The following SORCS1 variants were observed in gnomAD, a reference collection of about 807,000 sequenced individuals.
SORCS1 encodes the protein sortilin related VPS10 domain containing receptor 1.
SORCS1 carries 60 observed loss-of-function variants against 146.1 expected under a neutral mutation model. The ratio of observed to expected loss-of-function variants is 0.41; its 90% CI spans 0.33 to 0.51. The LOEUF (loss-of-function observed/expected upper bound fraction) is 0.51, where lower values mean the gene tolerates loss of function less well. Ranked by LOEUF, SORCS1 falls within the 20% of genes least tolerant of loss-of-function variation. The probability of loss-of-function intolerance (pLI) is 0.21; values close to 1 mark genes in which losing one functional copy is unlikely to be tolerated. For missense variants in SORCS1, 1,352 were observed against 1,487.6 expected, an observed-to-expected ratio of 0.91 and a Z score of 1.50; for synonymous variants, 637 against 584.0, an observed-to-expected ratio of 1.09 and a Z score of -1.31.
At chr10:106,769,484 CAAAA>C (rs61628916) in intron 4 of SORCS1, among the ~76,000 whole-genome samples, 10 of 84,364 alleles carry the variant, frequency 1.2e-4, no homozygotes, top group Admixed American at 2.5e-4. Flanking sequence ...GACTCCGTCT[CAAAA>C]AAAAAAAAAA....
chr10:106,877,047 A>T (rs1950612316), intron 2 of SORCS1, among the ~76,000 whole-genome samples: 1 of 152,240 alleles, frequency 6.6e-6, no homozygotes, highest in Admixed American at 6.5e-5. Context: ...TCTGATAATT[A>T]TGAAGCTAAT....
chr10:106,956,489 T>C (rs766351687), intron 2 of SORCS1, 24 bp downstream of exon 2: 1 of 1,609,140 alleles, frequency 6.2e-7, no homozygotes, highest in Non-Finnish European at 8.5e-7. Context: ...ACACGGTAAT[T>C]ATTAGCTCCA....
intron 6 of SORCS1, among the ~76,000 whole-genome samples, chr10:106,710,992 T>C (rs982390037): frequency 2.7e-4 from 41 of 152,336 alleles, no homozygotes; most frequent in South Asian, 1.0e-3. Context: ...ACCATCCTAT[T>C]AATTCTTTCT....
chr10:107,089,881 C>T (rs1964056277), intron 1 of SORCS1, among the ~76,000 whole-genome samples: 1 of 152,214 alleles, frequency 6.6e-6, no homozygotes, highest in Non-Finnish European at 1.5e-5. Flanking sequence ...CCACCCATGT[C>T]TAACAATACT....
Position 106,618,161 on chromosome 10 carries a change from T to C in SORCS1, c.2908A>G (p.Ile970Val). 6.2e-7 allele frequency: 1 copy of C among 1,614,080 alleles called. No homozygotes were observed. Among genetic ancestry groups the C allele is most frequent in the Non-Finnish European group, 8.5e-7 (1 of 1,179,942 alleles). Residue 970 changes from isoleucine (I) to valine (V), a missense_variant, in exon 21 of 26, where the codon ATC (isoleucine) becomes GTC (valine). Coordinates refer to ENST00000263054, the MANE Select transcript of SORCS1 (RefSeq NM_052918.5). The stretch of plus-strand genomic sequence containing the variant: ...GATGGGCACTCACCATATACTGCGA[T>C]GGTCTTTGTGTCTTGTAGGATGGCA... Reference protein sequence around the residue: ...GNAILQDTKTIAVYEEFRSLR... With the variant: ...GNAILQDTKTVAVYEEFRSLR...
chr10:106,855,836 C>T (rs754515479), intron 2 of SORCS1, among the ~76,000 whole-genome samples: 4 of 152,022 alleles, frequency 2.6e-5, no homozygotes, highest in South Asian at 2.1e-4. Flanking sequence ...TAAAAATTAT[C>T]GGTTTTTCTA....
intron 3 of SORCS1, among the ~76,000 whole-genome samples, chr10:106,824,944 A>T (rs1412894101): frequency 2.0e-5 from 3 of 149,190 alleles, no homozygotes; most frequent in Admixed American, 6.6e-5. Context: ...AAACATAAAG[A>T]ACAAATACTG....
intron 9 of SORCS1, among the ~76,000 whole-genome samples, chr10:106,695,783 C>T (rs555788143): frequency 2.6e-5 from 4 of 152,284 alleles, no homozygotes; most frequent in Middle Eastern, 3.4e-3. Flanking sequence ...TTTCTTGGCT[C>T]TCTTGAATGG....
chr10:107,165,879 C>A (rs1970034892), upstream of SORCS1, among the ~76,000 whole-genome samples: 1 of 152,188 alleles, frequency 6.6e-6, no homozygotes, highest in Admixed American at 6.5e-5. The surrounding 1 kb of genome is among the most constrained non-coding windows in gnomAD (Gnocchi z 4.0). Context: ...AAAATCCCTT[C>A]CGCTCCTAAA....
intron 2 of SORCS1, among the ~76,000 whole-genome samples, chr10:106,830,027 T>C (rs980627626): frequency 1.3e-5 from 2 of 152,232 alleles, no homozygotes; most frequent in Non-Finnish European, 2.9e-5. Context: ...TTTTACTTTA[T>C]GTTTGGCCCA....
At chr10:106,992,445 A>G (rs912608027) in intron 1 of SORCS1, among the ~76,000 whole-genome samples, 1 of 151,620 alleles carries the variant, frequency 6.6e-6, no homozygotes, top group Non-Finnish European at 1.5e-5. Context: ...CTAATGATCT[A>G]TATTGCAGAC....
At chr10:107,175,074 G>A in the SORCS1 span, among the ~76,000 whole-genome samples, 1 of 152,138 alleles carries the variant, frequency 6.6e-6, no homozygotes, top group African/African-American at 2.4e-5. Context: ...ATTATCAAAT[G>A]TGAAGCTAAT....
At chr10:106,736,629 C>CAT (rs1295783372) in intron 5 of SORCS1, among the ~76,000 whole-genome samples, 1 of 25,922 alleles carries the variant, frequency 3.9e-5, no homozygotes, top group African/African-American at 1.2e-4. Context: ...AAAGATAACC[C>CAT]TGGTTAAGGC....
At chr10:106,726,506 G>A (rs1444769644) in intron 6 of SORCS1, among the ~76,000 whole-genome samples, 4 of 151,994 alleles carry the variant, frequency 2.6e-5, no homozygotes, top group East Asian at 1.9e-4. Flanking sequence ...AATGCTGGGT[G>A]TAAGAAAATG....
intron 2 of SORCS1, 24 bp from the exon 3 acceptor site, chr10:106,829,697 T>C (rs1361009319): frequency 6.4e-7 from 1 of 1,571,384 alleles, no homozygotes; most frequent in Non-Finnish European, 8.7e-7. Context: ...AGAGCATTAA[T>C]GAGGACAGAA....
At chr10:106,951,515 A>AG (rs1199748144) in intron 2 of SORCS1, among the ~76,000 whole-genome samples, 1 of 148,530 alleles carries the variant, frequency 6.7e-6, no homozygotes, top group Non-Finnish European at 1.5e-5. Context: ...CCGTCTCTGA[A>AG]AAAAAAAAAA....
intron 2 of SORCS1, among the ~76,000 whole-genome samples, chr10:106,877,718 TG>T (rs1438748754): frequency 2.0e-5 from 3 of 152,150 alleles, no homozygotes; most frequent in African/African-American, 7.2e-5. Context: ...CCACACTCAG[TG>T]TACAGCTTCA....
At chr10:107,038,971 A>T (rs1274072286) in intron 1 of SORCS1, among the ~76,000 whole-genome samples, 1 of 152,172 alleles carries the variant, frequency 6.6e-6, no homozygotes, top group East Asian at 1.9e-4. Context: ...ATAAACTACT[A>T]AGCACAATTA....
intron 1 of SORCS1, among the ~76,000 whole-genome samples, chr10:107,047,037 A>G (rs1240339386): frequency 6.6e-6 from 1 of 152,134 alleles, no homozygotes. Context: ...TGTCCATGCC[A>G]GAGTGCAGTG....
Sources: allele counts gnomAD v4.1 joint callset (sites outside exome capture counted in the v4.1 genomes callset), GRCh38; gene constraint gnomAD v4.1.1; non-coding constraint Gnocchi (gnomAD v3.1); transcripts MANE v1.5; gene names NCBI Gene and HGNC (gene_info 2026-07-23, HGNC 2026-07-21).